OPRM1: variants seen among roughly 807,000 people sequenced by gnomAD.
OPRM1 encodes the protein opioid receptor mu 1, also known as mu-type opioid receptor.
OPRM1 carries 27 observed loss-of-function variants against 31.8 expected under a neutral mutation model. The observed-to-expected ratio is 0.85, with a 90% CI of 0.63 to 1.17. The LOEUF is 1.17. OPRM1 is among the 50% of genes most tolerant of loss of function. The pLI is 0.00. For synonymous variants in OPRM1, 196 were observed against 189.9 expected (o/e 1.03, Z -0.26); for missense variants, 536 against 511.1 (o/e 1.05, Z -0.47).
intron 3 of OPRM1, among the ~76,000 whole-genome samples, chr6:154,104,102 G>A (rs767827481): frequency 3.3e-5 from 5 of 152,146 alleles, no homozygotes; most frequent in Admixed American, 6.5e-5. Flanking sequence ...TCCATCTTCC[G>A]TAACTTCTTC....
At chr6:154,185,519 T>C (rs1468720969) in intron 3 of OPRM1, among the ~76,000 whole-genome samples, 2 of 152,220 alleles carry the variant, frequency 1.3e-5, no homozygotes, top group East Asian at 1.9e-4. Context: ...ATGGCTGATA[T>C]AATACATGCT....
In OPRM1 at chr6:154,124,421, A is replaced by C. The variant is rs747651525; in HGVS notation, c.*5700A>C. On this transcript the variant is annotated 3_prime_UTR_variant, in exon 4 of 4. Transcript: ENST00000330432. ...TACTGAGAACTTCATTAAAACCTGC[A>C]CTTGAAATTGCACTTAAACTTTACA... is the stretch of plus-strand genomic sequence containing the variant. 6.6e-6 allele frequency among the ~76,000 whole-genome samples: 1 copy of C among 152,150 alleles called. No homozygotes were observed. Among genetic ancestry groups the C allele is most frequent in the African/African-American group, 2.4e-5 (1 of 41,424 alleles).
At chr6:154,073,543 A>G (rs1787236528) in intron 1 of OPRM1, 2 of 152,292 alleles carry the variant, frequency 1.3e-5, no homozygotes, top group Middle Eastern at 3.1e-3. Context: ...AGCAGTGAAC[A>G]GTCTACCAGG....
At chr6:154,083,335 A>G (rs911527581) in intron 1 of OPRM1, among the ~76,000 whole-genome samples, 3 of 152,250 alleles carry the variant, frequency 2.0e-5, no homozygotes, top group African/African-American at 7.2e-5. Flanking sequence ...GAATGAAACC[A>G]TGAGATTAGC....
chr6:154,037,626 G>T (rs1779390412), upstream of OPRM1, among the ~76,000 whole-genome samples: 1 of 152,024 alleles, frequency 6.6e-6, no homozygotes, highest in Non-Finnish European at 1.5e-5. Context: ...AAACTCAGTT[G>T]ATTTCAAATA....
At chr6:154,114,623 C>A (rs1010678826) in intron 3 of OPRM1, among the ~76,000 whole-genome samples, 4 of 151,996 alleles carry the variant, frequency 2.6e-5, no homozygotes, top group East Asian at 1.9e-4. Context: ...TGGCCAAAAT[C>A]AAAAATGGCA....
chr6:154,143,563 T>A (rs1798276379), intron 3 of OPRM1, among the ~76,000 whole-genome samples: 1 of 152,208 alleles, frequency 6.6e-6, no homozygotes, highest in Admixed American at 6.5e-5. Flanking sequence ...GGAAAGGAGT[T>A]TGGAGACAGA....
intron 3 of OPRM1, among the ~76,000 whole-genome samples, chr6:154,152,313 AAG>A (rs1491323668): frequency 3.0e-5 from 2 of 66,840 alleles, no homozygotes; most frequent in East Asian, 3.4e-4. Flanking sequence ...GAAAGAAAGA[AAG>A]AAAGAAAGAA....
rs984009539 is a variant in OPRM1, at chr6:154,127,931, G to A, written c.*9210G>A. On this transcript the variant is annotated 3_prime_UTR_variant, in exon 4 of 4. Transcript: ENST00000330432. ...TGGTAAGCTGTAACTGATCACTGCT[G>A]TATTAACTCAAAACTCATTTGCTTT... is the stretch of plus-strand genomic sequence containing the variant. Among the ~76,000 whole-genome samples, 10 of 152,166 alleles carry A rather than the reference G, an allele frequency of 6.6e-5. No individual in the cohort carries two copies. The highest frequency in any genetic ancestry group is 2.2e-4 in the African/African-American group (9 of 41,434).
chr6:154,058,091 C>T (rs1783680348), intron 1 of OPRM1, among the ~76,000 whole-genome samples: 2 of 152,196 alleles, frequency 1.3e-5, no homozygotes, highest in South Asian at 4.1e-4. Flanking sequence ...ATAAAGCACA[C>T]CAGTGATCAT....
chr6:154,211,568 C>T (rs1410254665), intron 3 of OPRM1, among the ~76,000 whole-genome samples: 1 of 152,128 alleles, frequency 6.6e-6, no homozygotes, highest in Non-Finnish European at 1.5e-5. Flanking sequence ...TATCTACTTC[C>T]TCATGACCTA....
intron 3 of OPRM1, among the ~76,000 whole-genome samples, chr6:154,239,291 A>G (rs1390484393): frequency 2.0e-5 from 3 of 152,222 alleles, no homozygotes; most frequent in Admixed American, 2.0e-4. Flanking sequence ...CCATAAAGCT[A>G]TGACAGGGGA....
At chr6:154,117,368 C>T (rs1251051276) in intron 3 of OPRM1, among the ~76,000 whole-genome samples, 1 of 152,168 alleles carries the variant, frequency 6.6e-6, no homozygotes, top group Admixed American at 6.5e-5. Context: ...GGTTGCTTTG[C>T]CACAACTCTA....
Position 154,242,235 on chromosome 6 carries a change from T to C in OPRM1, c.1165-4458T>C, listed in dbSNP as rs113105704. 3.8e-3 allele frequency among the ~76,000 whole-genome samples: 578 copies of C among 152,320 alleles called. 3 individuals are homozygous for C. Among genetic ancestry groups the C allele is most frequent in the African/African-American group, 0.013 (548 of 41,560 alleles). On this transcript the variant is annotated intron_variant, in intron 3 of 3. Coordinates refer to the OPRM1 transcript ENST00000337049. ...AATGTGTTAGCAAAATGAGAGCAGC[T>C]GTGCAGGACCTAATCGGAACCTTGG...
At chr6:154,076,632 A>G (rs1787939396) in intron 1 of OPRM1, among the ~76,000 whole-genome samples, 1 of 152,158 alleles carries the variant, frequency 6.6e-6, no homozygotes, top group Admixed American at 6.5e-5. Flanking sequence ...CACCTTTCAG[A>G]CCAGCACCTC....
At chr6:154,038,809 T>C (rs147778259), upstream of OPRM1, among the ~76,000 whole-genome samples, 3 of 152,338 alleles carry the variant, frequency 2.0e-5, no homozygotes, top group East Asian at 1.9e-4. Context: ...TGTTTCTCAT[T>C]TCTTTTTCAG....
At chr6:154,044,205 C>T (rs1393307403) in intron 1 of OPRM1, among the ~76,000 whole-genome samples, 4 of 152,076 alleles carry the variant, frequency 2.6e-5, no homozygotes, top group Non-Finnish European at 5.9e-5. Context: ...GAGACTACCA[C>T]TATCATAAAT....
chr6:154,149,635 TAGAGAGAG>T (rs57957225), intron 3 of OPRM1, among the ~76,000 whole-genome samples: 253 of 148,232 alleles, frequency 1.7e-3, no homozygotes, highest in African/African-American at 6.0e-3. Flanking sequence ...CGTGTGTGTG[TAGAGAGAG>T]AGAGAGAGAG....
intron 3 of OPRM1, among the ~76,000 whole-genome samples, chr6:154,189,546 A>G (rs111679458): frequency 2.0e-5 from 3 of 152,392 alleles, no homozygotes; most frequent in African/African-American, 7.2e-5. Flanking sequence ...AATGTAGTAT[A>G]TAGTTCAAGA....
Sources: allele counts gnomAD v4.1 joint callset (sites outside exome capture counted in the v4.1 genomes callset), GRCh38; gene constraint gnomAD v4.1.1; transcripts MANE v1.5; gene names NCBI Gene and HGNC (gene_info 2026-07-23, HGNC 2026-07-21).